Variants in ABTB3 observed in about 807,000 individuals in gnomAD.
ABTB3 encodes the protein ankyrin repeat and BTB domain containing 3, also known as ankyrin repeat- and BTB/POZ domain-containing protein 3.
the ABTB3 span, among the ~76,000 whole-genome samples, chr12:107,513,207 T>TA: frequency 6.6e-6 from 1 of 152,228 alleles, no homozygotes; most frequent in Non-Finnish European, 1.5e-5. Context: ...CTACCACCAT[T>TA]ATCATCATTG....
At chr12:107,365,028 T>A in the ABTB3 span, among the ~76,000 whole-genome samples, 2 of 152,118 alleles carry the variant, frequency 1.3e-5, no homozygotes, top group Non-Finnish European at 2.9e-5. Context: ...GGAGGTAGCA[T>A]TCGCAGTGTT....
chr12:107,630,659 C>T, the ABTB3 span, among the ~76,000 whole-genome samples: 3 of 151,998 alleles, frequency 2.0e-5, no homozygotes, highest in Admixed American at 1.3e-4. Context: ...CTAGGCGGGC[C>T]CCGAGCTCCT....
At chr12:107,352,569 C>T in the ABTB3 span, among the ~76,000 whole-genome samples, 3 of 152,100 alleles carry the variant, frequency 2.0e-5, no homozygotes, top group Non-Finnish European at 2.9e-5. Flanking sequence ...TAAGGGGGCC[C>T]TTCCACATAC....
At chr12:107,414,953 A>C in the ABTB3 span, among the ~76,000 whole-genome samples, 5 of 151,854 alleles carry the variant, frequency 3.3e-5, no homozygotes, top group African/African-American at 1.2e-4. Context: ...ACCTCAAGTG[A>C]TCCACCTGCC....
the ABTB3 span, among the ~76,000 whole-genome samples, chr12:107,444,028 T>C: frequency 2.0e-5 from 3 of 152,122 alleles, no homozygotes; most frequent in Non-Finnish European, 4.4e-5. Context: ...TCTCCAGACC[T>C]GGAAAGGAAC....
the ABTB3 span, among the ~76,000 whole-genome samples, chr12:107,655,202 C>T: frequency 3.3e-5 from 5 of 152,024 alleles, no homozygotes; most frequent in Non-Finnish European, 5.9e-5. Context: ...GGATGTGAGC[C>T]CCGGCTGGGA....
chr12:107,655,365 C>G, the ABTB3 span, among the ~76,000 whole-genome samples: 1 of 151,998 alleles, frequency 6.6e-6, no homozygotes, highest in Non-Finnish European at 1.5e-5. Flanking sequence ...TGGAGTGTTT[C>G]CAAGAGAAAT....
the ABTB3 span, among the ~76,000 whole-genome samples, chr12:107,576,274 C>A: frequency 2.0e-5 from 3 of 152,320 alleles, no homozygotes; most frequent in African/African-American, 7.2e-5. Context: ...AAATGTCAAA[C>A]CTCAAGTATA....
the ABTB3 span, among the ~76,000 whole-genome samples, chr12:107,516,238 T>C: frequency 6.6e-6 from 1 of 151,920 alleles, no homozygotes; most frequent in African/African-American, 2.4e-5. Flanking sequence ...CTTTTTTTTT[T>C]TATTTTTTTG....
the ABTB3 span, among the ~76,000 whole-genome samples, chr12:107,348,839 AG>A: frequency 6.6e-6 from 1 of 152,198 alleles, no homozygotes; most frequent in African/African-American, 2.4e-5. Flanking sequence ...GAGCTTAGTC[AG>A]GGATGCTATT....
the ABTB3 span, among the ~76,000 whole-genome samples, chr12:107,500,862 C>T: frequency 6.6e-6 from 1 of 152,140 alleles, no homozygotes; most frequent in Admixed American, 6.5e-5. Context: ...TCTGTTAGAG[C>T]CTTTAAGTGG....
the ABTB3 span, among the ~76,000 whole-genome samples, chr12:107,550,669 C>T: frequency 4.0e-5 from 6 of 150,954 alleles, no homozygotes; most frequent in Non-Finnish European, 8.9e-5. Flanking sequence ...CAACCTCCGC[C>T]TTCCAGGTTC....
chr12:107,465,596 C>T, the ABTB3 span, among the ~76,000 whole-genome samples: 1 of 152,150 alleles, frequency 6.6e-6, no homozygotes, highest in Non-Finnish European at 1.5e-5. Context: ...GCAGGGGGTG[C>T]TGGGGGCAGA....
At chr12:107,415,016 G>A in the ABTB3 span, among the ~76,000 whole-genome samples, 4 of 151,808 alleles carry the variant, frequency 2.6e-5, no homozygotes, top group South Asian at 2.1e-4. Context: ...TGCCCGGCCC[G>A]ATCACCATCT....
the ABTB3 span, among the ~76,000 whole-genome samples, chr12:107,543,360 G>GAA: frequency 6.4e-5 from 9 of 141,556 alleles, no homozygotes; most frequent in Non-Finnish European, 1.4e-4. Context: ...AAAAAAAAAG[G>GAA]AAAAAAAACA....
the ABTB3 span, among the ~76,000 whole-genome samples, chr12:107,376,625 A>G: frequency 7.2e-5 from 11 of 152,090 alleles, no homozygotes; most frequent in Non-Finnish European, 1.3e-4. Context: ...TGTGACCCTT[A>G]AAAGACCTGC....
At chr12:107,627,631 A>G in the ABTB3 span, among the ~76,000 whole-genome samples, 2 of 152,194 alleles carry the variant, frequency 1.3e-5, no homozygotes, top group African/African-American at 2.4e-5. Context: ...AGAAGCAGAC[A>G]TAGCCTGCAG....
At chr12:107,469,988 CTTTCTTTCTTTCTTTCTT>C in the ABTB3 span, among the ~76,000 whole-genome samples, 20 of 93,922 alleles carry the variant, frequency 2.1e-4, no homozygotes, top group African/African-American at 1.1e-3. Flanking sequence ...TTCTTTCTTT[CTTTCTTTCTTTCTTTCTT>C]TCTTTCTCTC....
chr12:107,528,154 A>T, the ABTB3 span, among the ~76,000 whole-genome samples: 1 of 152,186 alleles, frequency 6.6e-6, no homozygotes, highest in African/African-American at 2.4e-5. Flanking sequence ...GGGTGGTCAC[A>T]CTTGGCATGC....
Sources: allele counts gnomAD v4.1 joint callset (sites outside exome capture counted in the v4.1 genomes callset), GRCh38; gene constraint gnomAD v4.1.1; transcripts MANE v1.5; gene names NCBI Gene and HGNC (gene_info 2026-07-23, HGNC 2026-07-21).